The following SH3GL2 variants were observed in gnomAD, a reference collection of about 807,000 sequenced individuals.
SH3GL2 encodes endophilin-A1.
In SH3GL2, 24 loss-of-function variants were observed where a neutral mutation model predicts 46.0. That is an observed-to-expected ratio of 0.52 (90% CI 0.38 to 0.73). SH3GL2 has a LOEUF of 0.73. SH3GL2 is among the 30% of genes least tolerant of loss of function. SH3GL2 has a pLI of 0.00. For synonymous variants in SH3GL2, 196 were observed against 147.1 expected, an observed-to-expected ratio of 1.33 and a Z score of -2.40; for missense variants, 413 against 424.2, an observed-to-expected ratio of 0.97 and a Z score of 0.23.
intron 1 of SH3GL2, among the ~76,000 whole-genome samples, chr9:17,608,253 T>C (rs1300673868): frequency 6.8e-6 from 1 of 146,850 alleles, no homozygotes; most frequent in African/African-American, 2.5e-5. Flanking sequence ...GTTCACGCCA[T>C]TCTCCTGCCT....
At chr9:17,721,851 C>G (rs997471172) in intron 1 of SH3GL2, among the ~76,000 whole-genome samples, 2 of 151,966 alleles carry the variant, frequency 1.3e-5, no homozygotes, top group Non-Finnish European at 2.9e-5. Context: ...TGTATATCTC[C>G]TATTGGTTCT....
intron 2 of SH3GL2, among the ~76,000 whole-genome samples, chr9:17,747,757 C>T (rs1329217036): frequency 6.6e-6 from 1 of 152,090 alleles, no homozygotes; most frequent in African/African-American, 2.4e-5. Flanking sequence ...TCACTGCAAC[C>T]TCCGTCTCCT....
Position 17,622,975 on chromosome 9 carries a change from CG to C in SH3GL2, c.45+43689del, listed in dbSNP as rs1563786370. 3.4e-3 allele frequency among the ~76,000 whole-genome samples: 315 copies of C among 92,402 alleles called. 5 individuals are homozygous for C. The highest frequency in any genetic ancestry group is 0.012 in the African/African-American group (300 of 25,330). The allele number at this position is 92,402 out of a possible 152,430, so 60.6% of individuals were successfully genotyped here. On this transcript the variant is annotated intron_variant, in intron 1 of 8. Transcript: ENST00000380607. ...TCCCTTCCTCCCTCCCTTTTCCTTTCGTTTCCTTTCGTTTCCTTTCCTTTCC... is the reference window on the plus strand; with the variant it reads ...TCCCTTCCTCCCTCCCTTTTCCTTTCTTTCCTTTCGTTTCCTTTCCTTTCC...
chr9:17,650,766 TATTA>T (rs1223138421), intron 1 of SH3GL2, among the ~76,000 whole-genome samples: 15 of 152,234 alleles, frequency 9.9e-5, no homozygotes, highest in African/African-American at 3.6e-4. Context: ...ATTGTGAACA[TATTA>T]ATTAACTTGT....
chr9:17,793,599 A>T (rs1824195432), intron 8 of SH3GL2, 102 bp downstream of exon 8: 1 of 1,086,720 alleles, frequency 9.2e-7, no homozygotes, highest in Non-Finnish European at 1.4e-6. Flanking sequence ...CATAGGAAAT[A>T]TGCAGTAATA....
At chr9:17,676,861 T>G (rs1373388922) in intron 1 of SH3GL2, among the ~76,000 whole-genome samples, 4 of 152,156 alleles carry the variant, frequency 2.6e-5, no homozygotes, top group Non-Finnish European at 5.9e-5. Flanking sequence ...TTTGTCCTTT[T>G]TATCTTTTTA....
At chr9:17,761,215 A>G (rs896417108) in intron 2 of SH3GL2, among the ~76,000 whole-genome samples, 1 of 152,180 alleles carries the variant, frequency 6.6e-6, no homozygotes, top group African/African-American at 2.4e-5. Flanking sequence ...TTAGGAAACT[A>G]CAAGCTTCTT....
intron 3 of SH3GL2, among the ~76,000 whole-genome samples, chr9:17,767,045 T>C (rs2131159109): frequency 6.6e-6 from 1 of 152,346 alleles, no homozygotes; most frequent in South Asian, 2.1e-4. Flanking sequence ...GAGAGAGGCC[T>C]TTTCAGTTTG....
chr9:17,615,929 A>G (rs1818983562), intron 1 of SH3GL2, among the ~76,000 whole-genome samples: 2 of 152,172 alleles, frequency 1.3e-5, no homozygotes, highest in South Asian at 4.1e-4. Context: ...ACTGCATGAT[A>G]GAAAAATTGT....
intron 1 of SH3GL2, among the ~76,000 whole-genome samples, chr9:17,659,339 G>C (rs1170690156): frequency 6.6e-6 from 1 of 152,158 alleles, no homozygotes; most frequent in Non-Finnish European, 1.5e-5. Context: ...AGAAGTAGAT[G>C]CTGTTGCTAT....
At chr9:17,772,349 T>C (rs1362256836) in intron 3 of SH3GL2, among the ~76,000 whole-genome samples, 2 of 152,188 alleles carry the variant, frequency 1.3e-5, no homozygotes, top group African/African-American at 4.8e-5. Flanking sequence ...AAAACATGCA[T>C]AACATGAAAT....
At chr9:17,713,924 A>G (rs980781309) in intron 1 of SH3GL2, among the ~76,000 whole-genome samples, 21 of 151,680 alleles carry the variant, frequency 1.4e-4, no homozygotes, top group African/African-American at 2.7e-4. Flanking sequence ...CTAGTCTACT[A>G]TGTATCTGAC....
chr9:17,614,086 ATCTT>A (rs1563781967), intron 1 of SH3GL2, among the ~76,000 whole-genome samples: 1 of 151,970 alleles, frequency 6.6e-6, no homozygotes, highest in African/African-American at 2.4e-5. Flanking sequence ...CCATTTATCT[ATCTT>A]TTCAACTTGA....
In SH3GL2 at chr9:17,787,445, A is replaced by T; in HGVS notation, c.397A>T (p.Ile133Leu). 1 of 1,612,892 alleles carries T rather than the reference A, an allele frequency of 6.2e-7. No individual in the cohort carries two copies. Among genetic ancestry groups the T allele is most frequent in the Non-Finnish European group, 8.5e-7 (1 of 1,178,940 alleles). ...GTCGGAGGTCAAAGACTCTTTGGAC[A>T]TAGAAGTGAAGCAGAACTTCATTGA... ...ELSEVKDSLDIEVKQNFIDPL... is the reference protein window; with the variant it reads ...ELSEVKDSLDLEVKQNFIDPL... The change falls in exon 5 of 9, where the codon ATA (isoleucine) becomes TTA (leucine). Residue 133 changes from isoleucine to leucine, a missense_variant. Physicochemically the swap from Ile to Leu is conservative, Grantham distance 5 (BLOSUM62 2). Transcript: ENST00000380607.
chr9:17,586,934 C>T (rs1013345207), intron 1 of SH3GL2, among the ~76,000 whole-genome samples: 23 of 152,156 alleles, frequency 1.5e-4, no homozygotes, highest in Admixed American at 1.0e-3. Context: ...CGGCTGGGTG[C>T]GGTGGCTCAT....
intron 3 of SH3GL2, among the ~76,000 whole-genome samples, chr9:17,769,837 T>C (rs1364420661): frequency 6.6e-6 from 1 of 152,224 alleles, no homozygotes; most frequent in Non-Finnish European, 1.5e-5. Flanking sequence ...TTCGTAATAA[T>C]GGAAGTAGTG....
chr9:17,746,213 C>G (rs1822679307), intron 1 of SH3GL2, among the ~76,000 whole-genome samples: 1 of 152,074 alleles, frequency 6.6e-6, no homozygotes, highest in Non-Finnish European at 1.5e-5. Context: ...GTAGCTGGGA[C>G]TACAGGTGCC....
intron 1 of SH3GL2, among the ~76,000 whole-genome samples, chr9:17,709,860 C>A (rs1272393684): frequency 6.6e-6 from 1 of 151,772 alleles, no homozygotes; most frequent in African/African-American, 2.4e-5. Flanking sequence ...GCTGAAGACA[C>A]AAAGAGGAGT....
chr9:17,783,425 A>C (rs1326956957), intron 3 of SH3GL2, among the ~76,000 whole-genome samples: 2 of 151,492 alleles, frequency 1.3e-5, no homozygotes, highest in Non-Finnish European at 2.9e-5. Context: ...GCAGTGACTC[A>C]CATGGACACT....
Sources: gnomAD v4.1 joint callset for allele counts (sites outside exome capture counted in the v4.1 genomes callset) on GRCh38, gnomAD v4.1.1 for gene constraint, MANE v1.5 for transcripts, NCBI Gene and HGNC (gene_info 2026-07-23, HGNC 2026-07-21) for gene names.